The following LNPK variants were observed in gnomAD, a reference collection of about 807,000 sequenced individuals.
LNPK encodes the protein endoplasmic reticulum junction formation protein lunapark.
Under a neutral mutation model 55.2 loss-of-function variants are expected in LNPK, and 29 were observed. The ratio of observed to expected loss-of-function variants is 0.53; its 90% CI spans 0.39 to 0.72. The LOEUF is 0.72. Ranked by LOEUF, LNPK falls within the 30% of genes least tolerant of loss-of-function variation. The pLI is 0.00. For synonymous variants in LNPK, 162 were observed against 168.2 expected, an observed-to-expected ratio of 0.96 and a Z score of 0.29; for missense variants, 467 against 494.8, an observed-to-expected ratio of 0.94 and a Z score of 0.53.
chr2:175,986,387 C>T (rs1687412973), intron 4 of LNPK, among the ~76,000 whole-genome samples: 1 of 151,752 alleles, frequency 6.6e-6, no homozygotes, highest in South Asian at 2.1e-4. Context: ...ATTTGCCATC[C>T]ATAAATAACT....
rs1684659445 is a variant in LNPK at position 175,938,482 on chromosome 2, A to T, written c.813-99T>A. On this transcript the variant is annotated intron_variant, in intron 10 of 12. Coordinates refer to ENST00000272748, the MANE Select transcript of LNPK (RefSeq NM_030650.3). ...TCATGGCTAATTTATATTTTAACACAGCTAAATATGCCATAACAAATTATA... is the reference window on the plus strand; with the variant it reads ...TCATGGCTAATTTATATTTTAACACTGCTAAATATGCCATAACAAATTATA... 4 of 551,308 alleles carry T rather than the reference A, an allele frequency of 7.3e-6. No individual in the cohort carries two copies. In the South Asian group the frequency reaches 1.6e-4, roughly 21 times the overall value. The allele number at this position is 551,308 out of a possible 1,614,324, so 34.2% of individuals were successfully genotyped here. A position where few individuals can be genotyped will look rare whatever the true frequency, so the allele number is the denominator to read the frequency against.
chr2:175,971,202 A>G (rs983224833), intron 5 of LNPK, among the ~76,000 whole-genome samples: 2 of 152,124 alleles, frequency 1.3e-5, no homozygotes, highest in South Asian at 2.1e-4. Context: ...CTTTGTTTAT[A>G]AGGAAATAAA....
chr2:175,935,695 G>C, intron 12 of LNPK: 2 of 810,204 alleles, frequency 2.5e-6, no homozygotes, highest in Non-Finnish European at 3.0e-6. Context: ...TTGTCTTCAT[G>C]TAATAACATT....
intron 6 of LNPK, among the ~76,000 whole-genome samples, chr2:175,966,368 TTTTA>T (rs1574861456): frequency 1.3e-5 from 2 of 152,310 alleles, no homozygotes. Flanking sequence ...CCAGCTGTAG[TTTTA>T]TTTCATTTTA....
At chr2:175,948,746 T>C (rs1483086073) in intron 8 of LNPK, among the ~76,000 whole-genome samples, 1 of 152,140 alleles carries the variant, frequency 6.6e-6, no homozygotes, top group Non-Finnish European at 1.5e-5. Flanking sequence ...GCAAAACACT[T>C]GGACTTTATT....
intron 8 of LNPK, among the ~76,000 whole-genome samples, chr2:175,963,806 C>T (rs2105626338): frequency 6.6e-6 from 1 of 151,542 alleles, no homozygotes; most frequent in South Asian, 2.1e-4. Context: ...TTTTATGTAA[C>T]CACTTAATAT....
intron 12 of LNPK, 106 bp from the exon 13 acceptor site, chr2:175,930,305 C>T (rs201222378): frequency 2.6e-6 from 1 of 384,026 alleles, no homozygotes; most frequent in East Asian, 3.9e-5. Context: ...CACACACACA[C>T]ACACACACAC....
intron 4 of LNPK, among the ~76,000 whole-genome samples, chr2:175,984,382 G>C (rs781566116): frequency 4.0e-5 from 6 of 151,890 alleles, no homozygotes; most frequent in Non-Finnish European, 8.8e-5. Context: ...TCACATGTTG[G>C]TCAGGCTGGT....
chr2:175,947,740 T>TGGAAATTA, intron 8 of LNPK, 48 bp from the exon 9 acceptor site: 1 of 1,303,548 alleles, frequency 7.7e-7, no homozygotes, highest in Non-Finnish European at 1.1e-6. Context: ...TATACCATAT[T>TGGAAATTA]AGCCAGTATC....
At chr2:175,958,490 A>G (rs1685814251) in intron 8 of LNPK, among the ~76,000 whole-genome samples, 1 of 152,214 alleles carries the variant, frequency 6.6e-6, no homozygotes, top group African/African-American at 2.4e-5. Flanking sequence ...GACTGTTAGA[A>G]GGAAAACTAA....
At chr2:175,945,566 A>G (rs988237723) in intron 9 of LNPK, among the ~76,000 whole-genome samples, 3 of 151,928 alleles carry the variant, frequency 2.0e-5, no homozygotes, top group Non-Finnish European at 4.4e-5. Context: ...TACTTGTGCT[A>G]ACAACATTCA....
At chr2:175,966,256 G>C (rs886080449) in intron 6 of LNPK, among the ~76,000 whole-genome samples, 2 of 152,164 alleles carry the variant, frequency 1.3e-5, no homozygotes, top group African/African-American at 4.8e-5. Context: ...TAGAGACGAG[G>C]TTTCGCCATG....
intron 4 of LNPK, among the ~76,000 whole-genome samples, chr2:175,986,698 C>T (rs1230556628): frequency 2.6e-5 from 4 of 151,426 alleles, no homozygotes; most frequent in Non-Finnish European, 5.9e-5. Flanking sequence ...ATGGTATCTC[C>T]ATAGATAATG....
chr2:175,934,445 G>A (rs904711380), intron 12 of LNPK, among the ~76,000 whole-genome samples: 1 of 151,956 alleles, frequency 6.6e-6, no homozygotes, highest in African/African-American at 2.4e-5. Context: ...TTATTATTAG[G>A]AAGTTATTTC....
chr2:175,944,017 GAAA>G (rs1263184220), intron 9 of LNPK, among the ~76,000 whole-genome samples: 1 of 151,984 alleles, frequency 6.6e-6, no homozygotes, highest in African/African-American at 2.4e-5. Flanking sequence ...TGGCTATGTA[GAAA>G]ATACTATGTA....
chr2:175,950,397 G>A (rs1304756772), intron 8 of LNPK, among the ~76,000 whole-genome samples: 1 of 151,990 alleles, frequency 6.6e-6, no homozygotes, highest in East Asian at 1.9e-4. Flanking sequence ...AGCTAGAAGA[G>A]AAGAATTGGA....
Position 175,993,272 on chromosome 2 carries a change from C to T in LNPK, c.28-49G>A, listed in dbSNP as rs750436740. On this transcript the variant is annotated intron_variant, in intron 2 of 12. Transcript: ENST00000272748. Reference sequence around the variant, plus strand: ...GACAGCATTAAAACTTATCACAAACCTTTACATTTTGATATAATCATTAAA... The same window carrying T: ...GACAGCATTAAAACTTATCACAAACTTTTACATTTTGATATAATCATTAAA... The T allele has an allele frequency of 3.4e-6, 4 of 1,167,858 alleles. No homozygotes were observed. The Admixed American group carries it at 1.1e-4, about 31-fold the overall frequency. The allele number at this position is 1,167,858 out of a possible 1,614,324, so 72.3% of individuals were successfully genotyped here.
At chr2:175,951,164 G>A (rs1685378680) in intron 8 of LNPK, among the ~76,000 whole-genome samples, 1 of 151,922 alleles carries the variant, frequency 6.6e-6, no homozygotes, top group African/African-American at 2.4e-5. Context: ...AGCTGTGGTA[G>A]GAAGAACACC....
chr2:175,949,057 G>A (rs1431406221), intron 8 of LNPK, among the ~76,000 whole-genome samples: 1 of 152,080 alleles, frequency 6.6e-6, no homozygotes, highest in African/African-American at 2.4e-5. Flanking sequence ...GACAGTTTTT[G>A]TACACAACTA....
Sources: gnomAD v4.1 joint callset for allele counts (sites outside exome capture counted in the v4.1 genomes callset) on GRCh38, gnomAD v4.1.1 for gene constraint, MANE v1.5 for transcripts, NCBI Gene and HGNC (gene_info 2026-07-23, HGNC 2026-07-21) for gene names.